Variants in PRKCA observed in about 807,000 individuals in gnomAD.
PRKCA encodes the protein protein kinase C alpha type.
Under a neutral mutation model 87.0 loss-of-function variants are expected in PRKCA, and 27 were observed. That is an observed-to-expected ratio of 0.31 (90% CI 0.23 to 0.43). PRKCA has a LOEUF of 0.43. Ranked by LOEUF, PRKCA falls within the 20% of genes least tolerant of loss-of-function variation. The pLI is 1.00. For missense variants in PRKCA, 518 were observed against 852.3 expected (o/e 0.61, Z 4.88); for synonymous variants, 329 against 311.1 (o/e 1.06, Z -0.61).
At chr17:66,374,626 G>T (rs1909312988) in intron 2 of PRKCA, among the ~76,000 whole-genome samples, 1 of 151,966 alleles carries the variant, frequency 6.6e-6, no homozygotes, top group African/African-American at 2.4e-5. Flanking sequence ...AGGCTTCCTG[G>T]TCTGTGGGGA....
chr17:66,380,163 C>T (rs530842076), intron 2 of PRKCA, among the ~76,000 whole-genome samples: 1 of 143,846 alleles, frequency 7.0e-6, no homozygotes, highest in Non-Finnish European at 1.6e-5. Flanking sequence ...ATTTGAGAAG[C>T]ACATAAGCAA....
chr17:66,731,336 C>G (rs1973881988), intron 8 of PRKCA, among the ~76,000 whole-genome samples: 1 of 125,296 alleles, frequency 8.0e-6, no homozygotes, highest in Non-Finnish European at 1.6e-5. Flanking sequence ...GCAACAAGAG[C>G]AAAACTCCGT....
Position 66,587,891 on chromosome 17 carries a change from G to GTATATATA in PRKCA, c.289-53463_289-53462insATATATAT, listed in dbSNP as rs1406148799. ...TGTATGTGTGTGTGTGTGTGTGTGT[G>GTATATATA]TGTGTATATATATATATATATATAT... On this transcript the variant is annotated intron_variant, in intron 3 of 16. Coordinates refer to ENST00000413366, the MANE Select transcript of PRKCA (RefSeq NM_002737.3). 5.7e-4 allele frequency among the ~76,000 whole-genome samples: 50 copies of GTATATATA among 87,122 alleles called. 3 individuals are homozygous for GTATATATA. The highest frequency in any genetic ancestry group is 2.0e-3 in the South Asian group (5 of 2,504). The allele number at this position is 87,122 out of a possible 152,430, so 57.2% of individuals were successfully genotyped here.
intron 3 of PRKCA, among the ~76,000 whole-genome samples, chr17:66,629,849 A>G (rs557081504): frequency 1.3e-5 from 2 of 152,256 alleles, no homozygotes; most frequent in African/African-American, 4.8e-5. Flanking sequence ...ACGGAACTAC[A>G]CACACATACC....
At chr17:66,316,037 G>A (rs191759941) in intron 2 of PRKCA, among the ~76,000 whole-genome samples, 38 of 152,298 alleles carry the variant, frequency 2.5e-4, no homozygotes, top group African/African-American at 8.9e-4. Context: ...TCAGGAGATG[G>A]CTCTTGTTTT....
intron 3 of PRKCA, among the ~76,000 whole-genome samples, chr17:66,635,541 G>A (rs762876580): frequency 2.6e-5 from 4 of 152,156 alleles, no homozygotes; most frequent in Admixed American, 1.3e-4. Context: ...AGAGAAAAGC[G>A]TCCTAATTCT....
chr17:66,548,445 C>G (rs56331109), intron 3 of PRKCA, among the ~76,000 whole-genome samples: 1 of 152,092 alleles, frequency 6.6e-6, no homozygotes, highest in Non-Finnish European at 1.5e-5. Context: ...CTAAAGGACA[C>G]GTCCTCTAAC....
intron 8 of PRKCA, among the ~76,000 whole-genome samples, chr17:66,705,035 T>C (rs1337178125): frequency 6.6e-6 from 1 of 152,220 alleles, no homozygotes; most frequent in Non-Finnish European, 1.5e-5. Flanking sequence ...CTGCCACGGT[T>C]ACTATGGAAA....
At chr17:66,328,284 C>A (rs367654557) in intron 2 of PRKCA, among the ~76,000 whole-genome samples, 20 of 151,948 alleles carry the variant, frequency 1.3e-4, no homozygotes, top group Admixed American at 1.2e-3. Context: ...AACTCCTGGC[C>A]GGTCTTGAAC....
At chr17:66,620,890 A>G (rs1005055727) in intron 3 of PRKCA, among the ~76,000 whole-genome samples, 6 of 152,220 alleles carry the variant, frequency 3.9e-5, no homozygotes, top group African/African-American at 9.6e-5. Context: ...AGTACATTTT[A>G]TCATGGAGCA....
intron 8 of PRKCA, among the ~76,000 whole-genome samples, chr17:66,694,059 T>TA (rs1267937091): frequency 6.6e-6 from 1 of 152,224 alleles, no homozygotes; most frequent in Non-Finnish European, 1.5e-5. Flanking sequence ...AATATCCTGA[T>TA]ACGATAGGAT....
At chr17:66,555,255 C>T (rs976343098) in intron 3 of PRKCA, among the ~76,000 whole-genome samples, 2 of 152,198 alleles carry the variant, frequency 1.3e-5, no homozygotes, top group African/African-American at 4.8e-5. Flanking sequence ...GCAATGCTTG[C>T]TTATGAAGGG....
chr17:66,772,447 C>G (rs1269539286), intron 13 of PRKCA, among the ~76,000 whole-genome samples: 2 of 151,728 alleles, frequency 1.3e-5, no homozygotes, highest in Admixed American at 1.3e-4. Flanking sequence ...AGTGGGCAGA[C>G]ATGCAGAAAG....
At chr17:66,368,558 T>C (rs988281242) in intron 2 of PRKCA, among the ~76,000 whole-genome samples, 8 of 150,662 alleles carry the variant, frequency 5.3e-5, no homozygotes, top group Non-Finnish European at 1.2e-4. Flanking sequence ...ATCCGGCTAA[T>C]TTTTGTATTT....
intron 2 of PRKCA, among the ~76,000 whole-genome samples, chr17:66,420,421 A>C (rs1274750436): frequency 6.6e-6 from 1 of 152,186 alleles, no homozygotes; most frequent in African/African-American, 2.4e-5. Flanking sequence ...AGATTTTTCA[A>C]CTTCATGACG....
rs1228195716 is a variant in PRKCA at position 66,808,115 on chromosome 17, C to T, written c.*4078C>T. 6.6e-6 allele frequency: 1 copy of T among 152,150 alleles called. No homozygotes were observed. Among genetic ancestry groups the T allele is most frequent in the Non-Finnish European group, 1.5e-5 (1 of 68,034 alleles). 9.4% of individuals were successfully genotyped at this position (152,150 alleles called of 1,614,324 possible). A position where few individuals can be genotyped will look rare whatever the true frequency, so the allele number is the denominator to read the frequency against. On this transcript the variant is annotated 3_prime_UTR_variant, in exon 17 of 17. Coordinates refer to ENST00000413366, the MANE Select transcript of PRKCA (RefSeq NM_002737.3). ...TTGAAGTAGCTCATAGTTCTCTGGG[C>T]AGAGCCAGACCATCCAGTGTACCCC...
At position 66,306,126 on chromosome 17, in the gene PRKCA, A is replaced by G; in HGVS notation, c.204A>G (p.Gln68=). The G allele has an allele frequency of 6.2e-7, 1 of 1,612,092 alleles. No homozygotes were observed. Among genetic ancestry groups the G allele is most frequent in the Non-Finnish European group, 8.5e-7 (1 of 1,179,238 alleles). ...TTGGGAAACAAGGCTTCCAGTGCCAAGGTAAGCTACCACTTTTGGTTTTAT... is the reference window on the plus strand; with the variant it reads ...TTGGGAAACAAGGCTTCCAGTGCCAGGGTAAGCTACCACTTTTGGTTTTAT... ...WGFGKQGFQC[Q]VCCFVVHKRC... Residue 68 remains glutamine (Q), a splice_region_variant and synonymous_variant, in exon 2 of 17, where the codon CAA becomes CAG. Coordinates refer to ENST00000413366, the MANE Select transcript of PRKCA (RefSeq NM_002737.3).
At chr17:66,444,097 C>T (rs1469917813) in intron 2 of PRKCA, among the ~76,000 whole-genome samples, 2 of 152,144 alleles carry the variant, frequency 1.3e-5, no homozygotes, top group Non-Finnish European at 2.9e-5. Context: ...ACTCAAATGC[C>T]AGTTCCTAGT....
At chr17:66,376,339 G>C (rs970937957) in intron 2 of PRKCA, among the ~76,000 whole-genome samples, 1 of 152,212 alleles carries the variant, frequency 6.6e-6, no homozygotes, top group African/African-American at 2.4e-5. Context: ...CTGGCGCGGT[G>C]GCTCACGCCT....
Sources: gnomAD v4.1 joint callset for allele counts (sites outside exome capture counted in the v4.1 genomes callset) on GRCh38, gnomAD v4.1.1 for gene constraint, MANE v1.5 for transcripts, NCBI Gene and HGNC (gene_info 2026-07-23, HGNC 2026-07-21) for gene names.